The following PKD1L1 variants were observed in gnomAD, a reference collection of about 807,000 sequenced individuals.
PKD1L1 encodes the protein polycystin 1 like 1, transient receptor potential channel interacting.
PKD1L1 carries 236 observed loss-of-function variants against 323.4 expected under a neutral mutation model. The observed-to-expected ratio is 0.73, with a 90% CI of 0.66 to 0.81. The LOEUF (loss-of-function observed/expected upper bound fraction) is 0.81. Among genes scored for constraint, PKD1L1 ranks in the 40% least tolerant of loss-of-function variants. The pLI is 0.00. For synonymous variants in PKD1L1, 1,344 were observed against 1,335.0 expected, an observed-to-expected ratio of 1.01 and a Z score of -0.15; for missense variants, 3,320 against 3,508.0, an observed-to-expected ratio of 0.95 and a Z score of 1.35.
intron 56 of PKD1L1, among the ~76,000 whole-genome samples, chr7:47,783,007 T>G (rs551936072): frequency 1.8e-4 from 28 of 152,238 alleles, no homozygotes; most frequent in Non-Finnish European, 3.1e-4. Flanking sequence ...TCTTACGTGA[T>G]TTTATCCCTT....
chr7:47,902,345 G>A (rs534456414), intron 13 of PKD1L1, 34 bp downstream of exon 13: 4 of 1,609,650 alleles, frequency 2.5e-6, no homozygotes, highest in South Asian at 1.1e-5. Flanking sequence ...GCTGAAAAGA[G>A]GCTGGTGGAG....
intron 28 of PKD1L1, among the ~76,000 whole-genome samples, chr7:47,856,734 T>C (rs1034117629): frequency 1.3e-5 from 2 of 152,228 alleles, no homozygotes; most frequent in Non-Finnish European, 2.9e-5. Flanking sequence ...GATTGTTAGT[T>C]TGAATTATTT....
chr7:47,881,433 C>T (rs1246042183), intron 20 of PKD1L1, among the ~76,000 whole-genome samples: 1 of 152,190 alleles, frequency 6.6e-6, no homozygotes, highest in East Asian at 1.9e-4. Context: ...TCCAGATCCT[C>T]CCCAAGAGGT....
At chr7:47,782,167 T>C (rs1242452894) in intron 56 of PKD1L1, among the ~76,000 whole-genome samples, 1 of 152,190 alleles carries the variant, frequency 6.6e-6, no homozygotes, top group East Asian at 1.9e-4. Flanking sequence ...ACCAGCTGTC[T>C]ATGAGAGTTA....
At chr7:47,791,099 T>C (rs184835818) in intron 56 of PKD1L1, among the ~76,000 whole-genome samples, 33 of 152,264 alleles carry the variant, frequency 2.2e-4, no homozygotes, top group African/African-American at 7.9e-4. Flanking sequence ...TTTAAATATA[T>C]AGGTGTATAT....
Position 47,774,859 on chromosome 7 carries a change from C to G in PKD1L1, c.*284G>C. The G allele has an allele frequency of 2.7e-6, 1 of 367,524 alleles. No individual in the cohort carries two copies. Among genetic ancestry groups the G allele is most frequent in the Middle Eastern group, 6.7e-4 (1 of 1,494 alleles). 22.8% of individuals were successfully genotyped at this position (367,524 alleles called of 1,614,324 possible). A position where few individuals can be genotyped will look rare whatever the true frequency, so the allele number is the denominator to read the frequency against. ...CAAACAAATAAGACAATATGTAACT[C>G]TAGGGCAACTGGCAAATTAACCATT... On this transcript the variant is annotated 3_prime_UTR_variant, in exon 57 of 57. Coordinates refer to ENST00000289672, the MANE Select transcript of PKD1L1 (RefSeq NM_138295.5).
chr7:47,951,006 C>G (rs1303107842), upstream of PKD1L1, among the ~76,000 whole-genome samples: 1 of 152,228 alleles, frequency 6.6e-6, no homozygotes, highest in African/African-American at 2.4e-5. Flanking sequence ...CAGAACCAAA[C>G]TCACTGCTTC....
chr7:47,875,832 T>A lies in PKD1L1; in HGVS notation c.3784+265A>T, dbSNP rs3736549. Among the ~76,000 whole-genome samples, 55,314 of 152,106 alleles carry A rather than the reference T, an allele frequency of 0.36. 11,469 individuals carry two copies. The highest frequency in any genetic ancestry group is 0.57 in the African/African-American group (23,480 of 41,484). ...ATGTCCTGATTTTAAATATTTAATT[T>A]ATATATGAAAAAACATTCTCTGGCA... On this transcript the variant is annotated intron_variant, in intron 23 of 56. Transcript: ENST00000289672.
intron 37 of PKD1L1, among the ~76,000 whole-genome samples, chr7:47,836,329 G>A (rs902421678): frequency 6.6e-6 from 1 of 152,130 alleles, no homozygotes; most frequent in Non-Finnish European, 1.5e-5. Flanking sequence ...TGAACCCGGT[G>A]GGCTGGGTGC....
At chr7:47,918,390 T>C (rs759032219) in intron 7 of PKD1L1, among the ~76,000 whole-genome samples, 141 of 149,814 alleles carry the variant, frequency 9.4e-4, no homozygotes, top group African/African-American at 3.3e-3. Context: ...AGAAATGAGA[T>C]AGACAGCAAC....
intron 7 of PKD1L1, among the ~76,000 whole-genome samples, chr7:47,928,694 A>G (rs1467591824): frequency 1.3e-5 from 2 of 152,220 alleles, no homozygotes; most frequent in Non-Finnish European, 2.9e-5. Flanking sequence ...GGGGTTTAGT[A>G]GTTGTCTGAG....
Position 47,876,168 on chromosome 7 carries a change from G to A in PKD1L1, c.3713C>T (p.Thr1238Ile). 2 of 1,614,108 alleles carry A rather than the reference G, an allele frequency of 1.2e-6. No homozygotes were observed. Among genetic ancestry groups the A allele is most frequent in the Non-Finnish European group, 1.7e-6 (2 of 1,179,966 alleles). ...CTGGGTGTCTCTCCCATGGTACAAA[G>A]TGTGTTTGGAGGTGTTTCCTATCTG... ...SYQIGNTSKHTLYHGRDTQYY... is the reference protein window; with the variant it reads ...SYQIGNTSKHILYHGRDTQYY... The change falls in exon 23 of 57, where the codon ACT becomes ATT. Residue 1238 changes from threonine (T) to isoleucine (I), a missense_variant. Transcript: ENST00000289672.
chr7:47,803,393 G>A (rs1053197320), intron 52 of PKD1L1, 49 bp from the exon 53 acceptor site: 2 of 1,603,150 alleles, frequency 1.2e-6, no homozygotes, highest in Non-Finnish European at 1.7e-6. Context: ...GTCACTGAAA[G>A]GTGCAGACAT....
chr7:47,945,666 C>T (rs13239855), intron 1 of PKD1L1, among the ~76,000 whole-genome samples: 20,940 of 152,142 alleles, frequency 0.14, 1,686 homozygotes, highest in South Asian at 0.2. Flanking sequence ...AATGATCTAG[C>T]GGGCAAATAA....
intron 5 of PKD1L1, 97 bp downstream of exon 5, chr7:47,931,839 C>A (rs1245621100): frequency 4.2e-6 from 6 of 1,441,886 alleles, no homozygotes. Flanking sequence ...CTGACAAACT[C>A]TGAGGCCGCC....
intron 52 of PKD1L1, 52 bp from the exon 53 acceptor site, chr7:47,803,396 G>A (rs1187615808): frequency 1.2e-6 from 2 of 1,600,350 alleles, no homozygotes; most frequent in Non-Finnish European, 1.7e-6. Flanking sequence ...ACTGAAAGGT[G>A]CAGACATATT....
chr7:47,884,189 G>C (rs916409768), intron 19 of PKD1L1, among the ~76,000 whole-genome samples: 14 of 151,962 alleles, frequency 9.2e-5, no homozygotes, highest in Non-Finnish European at 2.1e-4. Flanking sequence ...GGGGAAGGCG[G>C]GGGGAGTGGT....
intron 45 of PKD1L1, among the ~76,000 whole-genome samples, chr7:47,825,374 A>T (rs1013139325): frequency 6.6e-6 from 1 of 152,026 alleles, no homozygotes; most frequent in African/African-American, 2.4e-5. Context: ...TACTAAAAAT[A>T]CAAAAAATTA....
chr7:47,791,620 C>T lies in PKD1L1; in HGVS notation c.8526+1007G>A, dbSNP rs955992886. ...TTCCTGAAGCAGATTTGCATAGATG[C>T]AATAATTATTTGCTTTTATTATTTC... On this transcript the variant is annotated intron_variant, in intron 56 of 56. Transcript: ENST00000289672. Among the ~76,000 whole-genome samples the T allele has an allele frequency of 3.3e-5, 5 of 152,266 alleles. 1 individual carries two copies. In the East Asian group the frequency reaches 5.8e-4, roughly 18 times the overall value.
Sources: allele counts gnomAD v4.1 joint callset (sites outside exome capture counted in the v4.1 genomes callset), GRCh38; gene constraint gnomAD v4.1.1; transcripts MANE v1.5; gene names NCBI Gene and HGNC (gene_info 2026-07-23, HGNC 2026-07-21).